The following DPP6 variants were observed in gnomAD, a reference collection of about 807,000 sequenced individuals.
DPP6 encodes the protein A-type potassium channel modulatory protein DPP6.
In DPP6, 69 loss-of-function variants were observed where a neutral mutation model predicts 122.6. The observed-to-expected ratio is 0.56, with a 90% CI of 0.46 to 0.69. DPP6 has a LOEUF of 0.69. DPP6 is among the 30% of genes least tolerant of loss of function. DPP6 has a pLI of 0.00. For synonymous variants in DPP6, 418 were observed against 433.1 expected (o/e 0.97, Z 0.43); for missense variants, 928 against 1,116.9 (o/e 0.83, Z 2.41).
chr7:154,323,434 T>C (rs1808149615), intron 1 of DPP6, among the ~76,000 whole-genome samples: 1 of 152,216 alleles, frequency 6.6e-6, no homozygotes, highest in Non-Finnish European at 1.5e-5. Flanking sequence ...CTTTTGGCTT[T>C]AGTCATTTAT....
chr7:154,421,375 T>G (rs1442483170), intron 1 of DPP6, among the ~76,000 whole-genome samples: 4 of 151,632 alleles, frequency 2.6e-5, no homozygotes, highest in African/African-American at 4.9e-5. Context: ...CAGGCTGGAA[T>G]GCAATGGTAC....
intron 1 of DPP6, among the ~76,000 whole-genome samples, chr7:154,375,303 G>A (rs1009132410): frequency 5.3e-5 from 8 of 152,112 alleles, no homozygotes; most frequent in Non-Finnish European, 1.0e-4. Context: ...CCCAAGGGCA[G>A]GAGGTCGACC....
chr7:154,494,173 G>A (rs772249393), intron 3 of DPP6, among the ~76,000 whole-genome samples: 1 of 152,054 alleles, frequency 6.6e-6, no homozygotes, highest in Non-Finnish European at 1.5e-5. Context: ...GGGCAATAAA[G>A]TGAGAAATCA....
chr7:154,678,288 CCTT>C (rs1351425065), intron 7 of DPP6, among the ~76,000 whole-genome samples: 1 of 152,216 alleles, frequency 6.6e-6, no homozygotes, highest in Non-Finnish European at 1.5e-5. Context: ...TGTGTTCTTT[CCTT>C]CTTCACAATA....
At chr7:153,887,768 G>T in intron 1 of DPP6, 1 of 1,607,760 alleles carries the variant, frequency 6.2e-7, no homozygotes. Flanking sequence ...CGCTGGGTCG[G>T]GGGGACCCAC....
intron 1 of DPP6, among the ~76,000 whole-genome samples, chr7:153,946,763 C>T (rs192117468): frequency 2.4e-4 from 37 of 152,174 alleles, no homozygotes; most frequent in Admixed American, 2.2e-3. Flanking sequence ...TATGGATGGG[C>T]ACACCAGGTG....
chr7:154,779,240 T>A (rs988555028), intron 10 of DPP6, among the ~76,000 whole-genome samples: 5 of 89,334 alleles, frequency 5.6e-5, no homozygotes, highest in Non-Finnish European at 9.0e-5. Flanking sequence ...CTCCATCATC[T>A]CCACAACCTC....
Position 154,618,307 on chromosome 7 carries a change from G to A in DPP6, c.628-19514G>A, listed in dbSNP as rs951030779. On this transcript the variant is annotated intron_variant, in intron 5 of 25. Coordinates refer to ENST00000377770, the MANE Select transcript of DPP6 (RefSeq NM_130797.4). The surrounding 1 kb of genome is among the most constrained non-coding windows in gnomAD (Gnocchi z 4.1). Reference sequence around the variant, plus strand: ...AGGAAGCTCAGCAGAGATGCTTCAGGATGAGATTAGGCTCACTGAGCGGGT... The same window carrying A: ...AGGAAGCTCAGCAGAGATGCTTCAGAATGAGATTAGGCTCACTGAGCGGGT... 6.6e-6 allele frequency among the ~76,000 whole-genome samples: 1 copy of A among 152,136 alleles called. No homozygotes were observed. The highest frequency in any genetic ancestry group is 2.1e-4 in the South Asian group (1 of 4,820).
chr7:153,862,430 T>G, the DPP6 span, among the ~76,000 whole-genome samples: 6 of 152,200 alleles, frequency 3.9e-5, no homozygotes, highest in Admixed American at 3.9e-4. Context: ...GCCTCTCACC[T>G]TGAAAAACAC....
chr7:154,271,729 A>T (rs1803807765), intron 1 of DPP6, among the ~76,000 whole-genome samples: 1 of 152,216 alleles, frequency 6.6e-6, no homozygotes, highest in Non-Finnish European at 1.5e-5. Flanking sequence ...TCAAAGCTAG[A>T]TACAAGGCAT....
At chr7:153,761,657 C>T in the DPP6 span, among the ~76,000 whole-genome samples, 1 of 152,016 alleles carries the variant, frequency 6.6e-6, no homozygotes, top group African/African-American at 2.4e-5. Context: ...CTAATAAAAT[C>T]AAGAAATGTT....
intron 1 of DPP6, among the ~76,000 whole-genome samples, chr7:154,113,322 C>G (rs1198407805): frequency 1.3e-5 from 2 of 151,676 alleles, no homozygotes; most frequent in African/African-American, 4.8e-5. Flanking sequence ...GTGGCTATAC[C>G]ATTTTGCATT....
At chr7:153,863,866 A>G in the DPP6 span, among the ~76,000 whole-genome samples, 1 of 152,180 alleles carries the variant, frequency 6.6e-6, no homozygotes, top group African/African-American at 2.4e-5. Context: ...ATTTAGGATG[A>G]AATGTTTTCA....
chr7:154,589,522 C>G (rs1832678272), intron 5 of DPP6, among the ~76,000 whole-genome samples: 1 of 152,224 alleles, frequency 6.6e-6, no homozygotes, highest in Non-Finnish European at 1.5e-5. Flanking sequence ...ACTGCGCTTT[C>G]TGCAGTGACG....
intron 1 of DPP6, among the ~76,000 whole-genome samples, chr7:154,100,688 T>C (rs1355406877): frequency 2.2e-5 from 2 of 92,470 alleles, no homozygotes; most frequent in Non-Finnish European, 4.2e-5. Flanking sequence ...TTTGTGATCT[T>C]TCTCTGTCTG....
intron 5 of DPP6, among the ~76,000 whole-genome samples, chr7:154,599,014 A>G (rs897031650): frequency 6.6e-6 from 1 of 152,138 alleles, no homozygotes; most frequent in Non-Finnish European, 1.5e-5. Flanking sequence ...ACCCTGCAGC[A>G]GTAGGTTTCA....
intron 7 of DPP6, among the ~76,000 whole-genome samples, chr7:154,679,416 A>C (rs1362134181): frequency 1.3e-5 from 2 of 152,066 alleles, no homozygotes; most frequent in African/African-American, 4.8e-5. Context: ...TGCTTCCTGT[A>C]TCCAGTCCAG....
chr7:154,612,790 C>G (rs76553443), intron 5 of DPP6, among the ~76,000 whole-genome samples: 1,587 of 152,290 alleles, frequency 0.01, 14 homozygotes, highest in Non-Finnish European at 0.015. Flanking sequence ...TCCCTCTGTC[C>G]TCATCAACAT....
chr7:154,075,652 C>CG (rs897377936), intron 1 of DPP6, among the ~76,000 whole-genome samples: 1 of 119,352 alleles, frequency 8.4e-6, no homozygotes, highest in African/African-American at 3.3e-5. Context: ...TTTGGGGACT[C>CG]GGGGGGAAGG....
Sources: allele counts gnomAD v4.1 joint callset (sites outside exome capture counted in the v4.1 genomes callset), GRCh38; gene constraint gnomAD v4.1.1; non-coding constraint Gnocchi (gnomAD v3.1); transcripts MANE v1.5; gene names NCBI Gene and HGNC (gene_info 2026-07-23, HGNC 2026-07-21).